The following CMTR1 variants were observed in gnomAD, a reference collection of about 807,000 sequenced individuals.
CMTR1 encodes cap methyltransferase 1, also known as cap-specific mRNA (nucleoside-2'-O-)-methyltransferase 1.
A neutral mutation model predicts 107.0 loss-of-function variants in CMTR1; 39 were observed. The ratio of observed to expected loss-of-function variants is 0.36; its 90% confidence interval spans 0.28 to 0.48. The LOEUF is 0.48. Among genes scored for constraint, CMTR1 ranks in the 20% least tolerant of loss-of-function variants. The probability of loss-of-function intolerance (pLI) is 0.99; values close to 1 mark genes in which losing one functional copy is unlikely to be tolerated. For synonymous variants in CMTR1, 366 were observed against 379.5 expected (o/e 0.96, Z 0.41); for missense variants, 672 against 1,064.9 (o/e 0.63, Z 5.14).
chr6:37,435,911 C>T (rs1490172968), intron 2 of CMTR1, 149 bp downstream of exon 2: 1 of 730,750 alleles, frequency 1.4e-6, no homozygotes, highest in African/African-American at 1.9e-5. Context: ...TGGCTATAGA[C>T]TCTTTTCCCT....
In CMTR1 at chr6:37,458,045, C is replaced by T. The variant is rs1761332448; in HGVS notation, c.778-567C>T. On this transcript the variant is annotated intron_variant, in intron 8 of 23. Coordinates refer to ENST00000373451, the MANE Select transcript of CMTR1 (RefSeq NM_015050.3). This position sits in a 1 kb window ranked among gnomAD's most constrained non-coding sequence, Gnocchi z 4.7. ...GAGAGATAAAAAATGTAGTCAGATACCCATAAATGTTTTTTGTTGTTTTTG... is the reference window on the plus strand; with the variant it reads ...GAGAGATAAAAAATGTAGTCAGATATCCATAAATGTTTTTTGTTGTTTTTG... Among the ~76,000 whole-genome samples the T allele has an allele frequency of 6.6e-6, 1 of 151,952 alleles. No homozygotes were observed. The highest frequency in any genetic ancestry group is 2.1e-4 in the South Asian group (1 of 4,804).
rs755381712 is a variant in CMTR1 at position 37,473,540 on chromosome 6, C to T, written c.1760C>T (p.Pro587Leu). The T allele has an allele frequency of 6.2e-7, 1 of 1,614,144 alleles. No individual in the cohort carries two copies. The highest frequency in any genetic ancestry group is 1.1e-5 in the South Asian group (1 of 91,076). ...LTSKTLEKIR[P>L]VFDYRCMVSG... ...TCTAAAACCCTGGAGAAGATCCGCC[C>T]TGTGTTTGACTACCGCTGCATGGTA... The change falls in exon 17 of 24, where the codon CCT becomes CTT. Residue 587 changes from proline (P) to leucine (L), a missense_variant. By Grantham distance (98) the Pro-to-Leu change is moderately conservative. Around this residue, in one of 2 missense-constraint regions of CMTR1, gnomAD observed 583 missense variants for 968.4 expected, o/e 0.60. Transcript: ENST00000373451.
chr6:37,451,950 C>A, intron 6 of CMTR1, 73 bp downstream of exon 6: 1 of 1,253,858 alleles, frequency 8.0e-7, no homozygotes, highest in East Asian at 2.3e-5. Context: ...TCCATTTCTC[C>A]TTTGAGTGGG....
chr6:37,436,137 G>A (rs780757458), intron 2 of CMTR1, among the ~76,000 whole-genome samples: 13 of 152,158 alleles, frequency 8.5e-5, no homozygotes, highest in African/African-American at 3.1e-4. Flanking sequence ...TGCTGCGGCC[G>A]TCGAGCCTAA....
chr6:37,443,177 C>T (rs1357364999), intron 2 of CMTR1, among the ~76,000 whole-genome samples: 2 of 152,096 alleles, frequency 1.3e-5, no homozygotes, highest in African/African-American at 4.8e-5. Flanking sequence ...TCTTGTATAT[C>T]GTTCCTTCCA....
intron 4 of CMTR1, among the ~76,000 whole-genome samples, chr6:37,447,594 C>T (rs1771823992): frequency 6.6e-6 from 1 of 152,230 alleles, no homozygotes; most frequent in Admixed American, 6.5e-5. Flanking sequence ...GGCATGGTGG[C>T]TTACGCCTAT....
Position 37,475,383 on chromosome 6 carries a change from C to T in CMTR1, c.2007C>T (p.Thr669=), listed in dbSNP as rs367822264. The change falls in exon 19 of 24, where the codon ACC becomes ACT. Residue 669 remains threonine, a synonymous_variant. Transcript: ENST00000373451. The part of the protein sequence containing the change: ...HILDVLVLNG[T]DVREQHFNQR... ...TCGATGTCCTTGTGCTGAATGGCACCGACGTTCGGGAGCAGCACTTTAACC... is the reference window on the plus strand; with the variant it reads ...TCGATGTCCTTGTGCTGAATGGCACTGACGTTCGGGAGCAGCACTTTAACC... The T allele has an allele frequency of 1.1e-5, 18 of 1,613,566 alleles. No individual in the cohort carries two copies. Among genetic ancestry groups the T allele is most frequent in the Admixed American group, 3.3e-5 (2 of 59,984 alleles).
chr6:37,450,385 C>G (rs764345312), intron 5 of CMTR1, 42 bp downstream of exon 5: 4 of 1,468,450 alleles, frequency 2.7e-6, no homozygotes, highest in Non-Finnish European at 3.8e-6. Flanking sequence ...TTGGCATTCT[C>G]TTGACTTTTC....
chr6:37,450,406 G>T (rs1771924717), intron 5 of CMTR1, 63 bp downstream of exon 5: 2 of 1,255,878 alleles, frequency 1.6e-6, no homozygotes. Context: ...ACTTGCTCGA[G>T]TCTGGTATTT....
At chr6:37,441,038 G>A (rs1581728592) in intron 2 of CMTR1, among the ~76,000 whole-genome samples, 1 of 152,288 alleles carries the variant, frequency 6.6e-6, no homozygotes, top group East Asian at 1.9e-4. Flanking sequence ...ATTGTAGCTT[G>A]TGATTAGTCA....
chr6:37,452,997 G>C, intron 6 of CMTR1, 50 bp from the exon 7 acceptor site: 3 of 1,560,102 alleles, frequency 1.9e-6, no homozygotes, highest in Non-Finnish European at 2.7e-6. Context: ...GGGTCTTAAG[G>C]TCCCTTTCCT....
Position 37,476,128 on chromosome 6 carries a change from T to C in CMTR1, c.2039T>C (p.Ile680Thr), listed in dbSNP as rs1761731842. 6.2e-7 allele frequency: 1 copy of C among 1,613,962 alleles called. No individual in the cohort carries two copies. The highest frequency in any genetic ancestry group is 8.5e-7 in the Non-Finnish European group (1 of 1,180,004). Residue 680 changes from isoleucine (I) to threonine (T), a missense_variant and splice_region_variant, in exon 20 of 24, where the codon ATT (isoleucine) becomes ACT (threonine). Transcript: ENST00000373451. The part of the protein sequence containing the change: ...DVREQHFNQR[I>T]QLAEKFVKAV... ...CAGAGAGACTGTTTGGATTGTAGAA[T>C]TCAGCTTGCCGAGAAATTTGTGAAA...
chr6:37,428,348 T>C (rs1771321819), upstream of CMTR1, among the ~76,000 whole-genome samples: 1 of 152,200 alleles, frequency 6.6e-6, no homozygotes, highest in South Asian at 2.1e-4. Context: ...TTGTGGAAGA[T>C]TGTGATTTTT....
At chr6:37,462,445 A>T (rs989628575) in intron 12 of CMTR1, among the ~76,000 whole-genome samples, 2 of 152,226 alleles carry the variant, frequency 1.3e-5, no homozygotes, top group Non-Finnish European at 2.9e-5. Context: ...CCAGTGTGAC[A>T]CTGCCCACAC....
chr6:37,461,890 C>A lies in CMTR1; in HGVS notation c.1193-80C>A, dbSNP rs1761408854. Reference sequence around the variant, plus strand: ...CAGGTGCTGGTTTCCTTGACTTTGTCATATTTACTCCCAAGACTACTTCAC... The same window carrying A: ...CAGGTGCTGGTTTCCTTGACTTTGTAATATTTACTCCCAAGACTACTTCAC... On this transcript the variant is annotated intron_variant, in intron 11 of 23. Coordinates refer to ENST00000373451, the MANE Select transcript of CMTR1 (RefSeq NM_015050.3). The A allele has an allele frequency of 4.0e-6, 6 of 1,503,114 alleles. No individual in the cohort carries two copies. The South Asian group carries it at 5.8e-5, about 15-fold the overall frequency. The allele number at this position is 1,503,114 out of a possible 1,614,324, so 93.1% of individuals were successfully genotyped here.
chr6:37,424,944 CTTT>C, the CMTR1 span, among the ~76,000 whole-genome samples: 2 of 101,378 alleles, frequency 2.0e-5, no homozygotes, highest in Non-Finnish European at 1.9e-5. Flanking sequence ...TTTTCCCTCA[CTTT>C]TTTTTTTTTT....
chr6:37,479,931 T>G lies in CMTR1; in HGVS notation c.2376-82T>G. The G allele has an allele frequency of 8.3e-6, 11 of 1,323,874 alleles. No individual in the cohort carries two copies. In the South Asian group the frequency reaches 1.9e-4, roughly 23 times the overall value. The allele number at this position is 1,323,874 out of a possible 1,614,324, so 82.0% of individuals were successfully genotyped here. A position where few individuals can be genotyped will look rare whatever the true frequency, so the allele number is the denominator to read the frequency against. ...TCAACTAAAGTCATTGACAGACCCC[T>G]CCGCCCCACACCCTTAAGAACACAT... On this transcript the variant is annotated intron_variant, in intron 23 of 23. Transcript: ENST00000373451.
intron 6 of CMTR1, 70 bp downstream of exon 6, chr6:37,451,947 C>G (rs998338316): frequency 6.8e-5 from 89 of 1,299,760 alleles, no homozygotes; most frequent in Non-Finnish European, 8.6e-5. Context: ...TTTTCCATTT[C>G]TCCTTTGAGT....
At chr6:37,465,644 C>T (rs1311222794) in intron 13 of CMTR1, among the ~76,000 whole-genome samples, 1 of 152,078 alleles carries the variant, frequency 6.6e-6, no homozygotes, top group Non-Finnish European at 1.5e-5. Context: ...TACAGGCACC[C>T]ACCACCACCC....
Sources: gnomAD v4.1 joint callset for allele counts (sites outside exome capture counted in the v4.1 genomes callset) on GRCh38, gnomAD v4.1.1 for gene constraint, gnomAD v4.1.1 regional missense constraint, Gnocchi (gnomAD v3.1) non-coding constraint, MANE v1.5 for transcripts, NCBI Gene and HGNC (gene_info 2026-07-23, HGNC 2026-07-21) for gene names.